Variants in CSMD3 observed in about 807,000 individuals in gnomAD.
The protein encoded by CSMD3 is CUB and sushi domain-containing protein 3.
CSMD3 carries 177 observed loss-of-function variants against 435.2 expected under a neutral mutation model. The observed-to-expected ratio is 0.41, with a 90% CI of 0.36 to 0.46. The LOEUF is 0.46. CSMD3 is among the 20% of genes least tolerant of loss of function. The probability of loss-of-function intolerance (pLI) is 0.34; values close to 1 mark genes in which losing one functional copy is unlikely to be tolerated. For synonymous variants in CSMD3, 1,656 were observed against 1,520.5 expected (o/e 1.09, Z -2.07); for missense variants, 4,265 against 4,504.6 (o/e 0.95, Z 1.52).
At chr8:112,837,314 T>C (rs1016141648) in intron 11 of CSMD3, among the ~76,000 whole-genome samples, 8 of 151,702 alleles carry the variant, frequency 5.3e-5, no homozygotes, top group African/African-American at 1.9e-4. Flanking sequence ...CAAATTAGCC[T>C]TTGATGATGT....
Position 112,491,746 on chromosome 8 carries a change from C to G in CSMD3, c.5278+743G>C, listed in dbSNP as rs115351874. Among the ~76,000 whole-genome samples the G allele has an allele frequency of 2.2e-3, 329 of 152,186 alleles. 2 individuals are homozygous for G. The highest frequency in any genetic ancestry group is 7.7e-3 in the African/African-American group (318 of 41,536). On this transcript the variant is annotated intron_variant, in intron 31 of 70. Coordinates refer to ENST00000297405, the MANE Select transcript of CSMD3 (RefSeq NM_198123.2). ...TAATTTAATTTTATTTGATTAACTT[C>G]TATGTCTATTATAAAAATGCTGGTC...
chr8:113,197,601 C>A (rs2132014862), intron 3 of CSMD3, among the ~76,000 whole-genome samples: 1 of 151,246 alleles, frequency 6.6e-6, no homozygotes, highest in East Asian at 1.9e-4. Context: ...TGTAGAAAAA[C>A]TTTATAATAA....
intron 36 of CSMD3, among the ~76,000 whole-genome samples, chr8:112,388,408 A>G (rs1830142263): frequency 6.6e-6 from 1 of 152,186 alleles, no homozygotes; most frequent in African/African-American, 2.4e-5. Flanking sequence ...CTCGGGTAGT[A>G]AAAGTGTGAA....
intron 14 of CSMD3, among the ~76,000 whole-genome samples, chr8:112,686,860 G>A (rs1221900625): frequency 2.0e-5 from 3 of 151,964 alleles, no homozygotes; most frequent in Non-Finnish European, 4.4e-5. Flanking sequence ...TATTTAATAT[G>A]TGAGTTTTTC....
intron 22 of CSMD3, among the ~76,000 whole-genome samples, chr8:112,590,221 C>G (rs1831066741): frequency 6.6e-6 from 1 of 151,954 alleles, no homozygotes; most frequent in South Asian, 2.1e-4. Flanking sequence ...GACCTACTTT[C>G]CAGTGGAAAG....
At chr8:112,408,821 T>A in intron 33 of CSMD3, 98 bp downstream of exon 33, 2 of 1,589,232 alleles carry the variant, frequency 1.3e-6, no homozygotes. Context: ...TTGCTTTATT[T>A]CTTATATTGA....
At chr8:112,735,703 G>A (rs1027587780) in intron 13 of CSMD3, among the ~76,000 whole-genome samples, 2 of 151,906 alleles carry the variant, frequency 1.3e-5, no homozygotes, top group Non-Finnish European at 2.9e-5. Flanking sequence ...TGGTCTTTCA[G>A]GTCAATATCA....
intron 1 of CSMD3, among the ~76,000 whole-genome samples, chr8:113,373,569 C>T (rs2094360124): frequency 6.6e-6 from 1 of 151,848 alleles, no homozygotes. Flanking sequence ...TATACATTTA[C>T]ATATGAAATA....
intron 5 of CSMD3, among the ~76,000 whole-genome samples, chr8:113,024,505 A>AT (rs1162268655): frequency 6.6e-6 from 1 of 152,094 alleles, no homozygotes; most frequent in Non-Finnish European, 1.5e-5. Flanking sequence ...TGGTAGTTCT[A>AT]TTTTTAATTT....
intron 13 of CSMD3, among the ~76,000 whole-genome samples, chr8:112,782,620 C>T (rs2078420082): frequency 6.6e-6 from 1 of 151,918 alleles, no homozygotes; most frequent in African/African-American, 2.4e-5. Context: ...ATATTTAATC[C>T]AATTAAGAAT....
rs1199208410 is a variant in CSMD3 at position 113,312,838 on chromosome 8, T to C, written c.401+1733A>G. 3 of 152,136 alleles carry C rather than the reference T, an allele frequency of 2.0e-5. No homozygotes were observed. In the South Asian group the frequency reaches 6.2e-4, roughly 31 times the overall value. 9.4% of individuals were successfully genotyped at this position (152,136 alleles called of 1,614,324 possible). ...CGTACCATAATGTATATTTATAAAA[T>C]AGATGATTATTGTATGAGTTACAAT... On this transcript the variant is annotated intron_variant, in intron 2 of 70. Transcript: ENST00000297405.
intron 22 of CSMD3, among the ~76,000 whole-genome samples, chr8:112,632,460 A>G (rs2074542747): frequency 6.6e-6 from 1 of 152,086 alleles, no homozygotes. Context: ...AGGATGAATG[A>G]ATTAATGTCT....
At chr8:113,403,974 C>T (rs1367304650) in intron 1 of CSMD3, among the ~76,000 whole-genome samples, 1 of 151,322 alleles carries the variant, frequency 6.6e-6, no homozygotes, top group African/African-American at 2.4e-5. Context: ...ATTCCAAAAA[C>T]CAACTTAACA....
At chr8:112,590,222 C>T (rs993093123) in intron 22 of CSMD3, among the ~76,000 whole-genome samples, 39 of 151,932 alleles carry the variant, frequency 2.6e-4, no homozygotes, top group African/African-American at 9.4e-4. Context: ...ACCTACTTTC[C>T]AGTGGAAAGG....
intron 23 of CSMD3, among the ~76,000 whole-genome samples, chr8:112,581,560 A>C (rs775568901): frequency 9.9e-5 from 15 of 152,072 alleles, no homozygotes; most frequent in Non-Finnish European, 1.9e-4. Flanking sequence ...TAGAAAGGAA[A>C]TATGTTTCTC....
At chr8:112,637,952 A>T (rs1466930505) in intron 21 of CSMD3, among the ~76,000 whole-genome samples, 1 of 151,874 alleles carries the variant, frequency 6.6e-6, no homozygotes, top group East Asian at 1.9e-4. Flanking sequence ...CATAAGATTT[A>T]CTTATTAATT....
chr8:112,318,343 T>A (rs1186508892), intron 47 of CSMD3, among the ~76,000 whole-genome samples: 1 of 152,054 alleles, frequency 6.6e-6, no homozygotes. Flanking sequence ...CCTGTATGAC[T>A]GCCATATCCC....
chr8:113,142,963 A>T (rs990316073), intron 4 of CSMD3, among the ~76,000 whole-genome samples: 2 of 150,802 alleles, frequency 1.3e-5, no homozygotes. Flanking sequence ...CTCACATTTT[A>T]TTTTTAAAAA....
At chr8:112,363,712 A>C (rs2131134382) in intron 38 of CSMD3, among the ~76,000 whole-genome samples, 1 of 152,156 alleles carries the variant, frequency 6.6e-6, no homozygotes, top group African/African-American at 2.4e-5. Context: ...ATCAGGAAAT[A>C]AAATATGATG....
Sources: allele counts gnomAD v4.1 joint callset (sites outside exome capture counted in the v4.1 genomes callset), GRCh38; gene constraint gnomAD v4.1.1; transcripts MANE v1.5; gene names NCBI Gene and HGNC (gene_info 2026-07-23, HGNC 2026-07-21).